The following KCND3 variants were observed in gnomAD, a reference collection of about 807,000 sequenced individuals.
KCND3 encodes potassium voltage-gated channel subfamily D member 3.
Under a neutral mutation model 51.1 loss-of-function variants are expected in KCND3, and 9 were observed. The observed-to-expected ratio is 0.18, with a 90% confidence interval of 0.11 to 0.31. The LOEUF is 0.31. Among genes scored for constraint, KCND3 ranks in the 10% least tolerant of loss-of-function variants. The probability of loss-of-function intolerance (pLI) is 1.00; values close to 1 mark genes in which losing one functional copy is unlikely to be tolerated. For missense variants in KCND3, 526 were observed against 903.8 expected, an observed-to-expected ratio of 0.58 and a Z score of 5.36; for synonymous variants, 349 against 368.0, an observed-to-expected ratio of 0.95 and a Z score of 0.59.
At chr1:111,827,456 C>T (rs899662616) in intron 2 of KCND3, among the ~76,000 whole-genome samples, 1 of 152,192 alleles carries the variant, frequency 6.6e-6, no homozygotes, top group African/African-American at 2.4e-5. Context: ...GGTCCCAGGA[C>T]ACTAAGCAGA....
chr1:111,974,349 G>A (rs1040289331), intron 2 of KCND3, among the ~76,000 whole-genome samples: 3 of 150,136 alleles, frequency 2.0e-5, no homozygotes, highest in Non-Finnish European at 4.4e-5. Context: ...AATTTCTGGG[G>A]GTCTGGTCCC....
At chr1:111,961,219 C>T (rs1031048883) in intron 2 of KCND3, among the ~76,000 whole-genome samples, 4 of 152,236 alleles carry the variant, frequency 2.6e-5, no homozygotes, top group African/African-American at 9.6e-5. Flanking sequence ...GTGTCCTCAG[C>T]TGTTCCTCAG....
intron 2 of KCND3, among the ~76,000 whole-genome samples, chr1:111,907,055 C>T (rs1279051283): frequency 6.6e-6 from 1 of 152,184 alleles, no homozygotes; most frequent in Non-Finnish European, 1.5e-5. Flanking sequence ...TCCTCATTTC[C>T]CCCCTACTGT....
At chr1:111,828,701 C>A (rs1262397022) in intron 2 of KCND3, among the ~76,000 whole-genome samples, 1 of 152,214 alleles carries the variant, frequency 6.6e-6, no homozygotes, top group Admixed American at 6.5e-5. Context: ...CCCCATCCTG[C>A]CACCAGCTCT....
intron 2 of KCND3, among the ~76,000 whole-genome samples, chr1:111,872,126 G>A (rs6685299): frequency 2.6e-5 from 4 of 152,240 alleles, no homozygotes; most frequent in Admixed American, 6.5e-5. Context: ...CACTTCACAT[G>A]TACTAATTCA....
chr1:111,979,470 G>C (rs1674821186), intron 2 of KCND3, among the ~76,000 whole-genome samples: 1 of 152,150 alleles, frequency 6.6e-6, no homozygotes, highest in Admixed American at 6.5e-5. Flanking sequence ...TTTCTTGACT[G>C]GCAATATGAC....
chr1:111,777,945 G>A (rs1044194737), intron 6 of KCND3, among the ~76,000 whole-genome samples: 1 of 152,234 alleles, frequency 6.6e-6, no homozygotes, highest in African/African-American at 2.4e-5. Flanking sequence ...AGGCCATTGG[G>A]ATGGGGTATA....
chr1:111,785,524 A>C (rs1664565453), intron 3 of KCND3, among the ~76,000 whole-genome samples: 2 of 152,160 alleles, frequency 1.3e-5, no homozygotes, highest in South Asian at 4.1e-4. Context: ...AGGTCAGGAT[A>C]AATAAAAGCA....
intron 2 of KCND3, among the ~76,000 whole-genome samples, chr1:111,888,389 G>C (rs746083321): frequency 2.6e-5 from 4 of 152,218 alleles, no homozygotes; most frequent in Non-Finnish European, 5.9e-5. Flanking sequence ...TGGCAGAAGA[G>C]AACAAAGACA....
At chr1:111,797,106 C>T (rs1044924331) in intron 2 of KCND3, among the ~76,000 whole-genome samples, 11 of 152,144 alleles carry the variant, frequency 7.2e-5, no homozygotes, top group African/African-American at 1.4e-4. Flanking sequence ...ATTGCTGGGC[C>T]CCAATCTCAG....
chr1:111,979,904 T>C (rs897291859), intron 2 of KCND3, among the ~76,000 whole-genome samples: 1 of 152,152 alleles, frequency 6.6e-6, no homozygotes, highest in African/African-American at 2.4e-5. Flanking sequence ...TCTGATGTCA[T>C]GAGTCCCATC....
rs779723268 is a variant in KCND3 at position 111,777,022 on chromosome 1, C to T, written c.1766+4G>A. On this transcript the variant is annotated splice_donor_region_variant and intron_variant, in intron 7 of 7. Transcript: ENST00000302127. ...TTGCGGGTGATGGGATGGAAGCCAC[C>T]CACCTGGTTGTGAGGGAGGGCTGCT... is the stretch of plus-strand genomic sequence containing the variant. 4 of 1,613,036 alleles carry T rather than the reference C, an allele frequency of 2.5e-6. No homozygotes were observed. The highest frequency in any genetic ancestry group is 3.7e-4 in the Middle Eastern group (2 of 5,474).
At chr1:111,851,953 C>T (rs569533181) in intron 2 of KCND3, among the ~76,000 whole-genome samples, 1 of 152,378 alleles carries the variant, frequency 6.6e-6, no homozygotes, top group East Asian at 1.9e-4. Flanking sequence ...ATAGCCTCCT[C>T]TTGTCTCTGC....
intron 2 of KCND3, among the ~76,000 whole-genome samples, chr1:111,949,325 C>A (rs1397778322): frequency 6.6e-6 from 1 of 152,158 alleles, no homozygotes; most frequent in Non-Finnish European, 1.5e-5. Flanking sequence ...AAGGAGACTG[C>A]AGGTGAAAAT....
rs536670898 is a variant in KCND3, at chr1:111,830,012, C to A, written c.1107-42906G>T. On this transcript the variant is annotated intron_variant, in intron 2 of 7. Transcript: ENST00000302127. ...GACTCTTCGGTGGCTATTGTTCCAA[C>A]TGCCTGAACTCTTCTCCCCTCCATC... Among the ~76,000 whole-genome samples, 245 of 152,326 alleles carry A rather than the reference C, an allele frequency of 1.6e-3. 1 individual carries two copies. Among genetic ancestry groups the A allele is most frequent in the Middle Eastern group, 6.8e-3 (2 of 294 alleles).
intron 1 of KCND3, chr1:111,988,898 C>G (rs915211104): frequency 1.3e-5 from 2 of 152,386 alleles, no homozygotes; most frequent in African/African-American, 4.8e-5. Flanking sequence ...GGTAACTTTG[C>G]CCAGTCCCTT....
intron 2 of KCND3, among the ~76,000 whole-genome samples, chr1:111,963,270 C>T (rs716954): frequency 0.84 from 128,099 of 152,240 alleles, 54,169 homozygotes; most frequent in African/African-American, 0.9. Context: ...TGATTCAGAG[C>T]CCCACAAAGG....
chr1:111,887,664 A>G (rs557129565), intron 2 of KCND3, among the ~76,000 whole-genome samples: 1 of 152,222 alleles, frequency 6.6e-6, no homozygotes, highest in Non-Finnish European at 1.5e-5. Context: ...AGCAGGCTGA[A>G]TCAGAGCAGA....
intron 2 of KCND3, among the ~76,000 whole-genome samples, chr1:111,848,286 T>C (rs1206177141): frequency 6.6e-6 from 1 of 152,210 alleles, no homozygotes; most frequent in Non-Finnish European, 1.5e-5. Flanking sequence ...CTGTGTAGTC[T>C]GCTCTATAGA....
Sources: allele counts gnomAD v4.1 joint callset (sites outside exome capture counted in the v4.1 genomes callset), GRCh38; gene constraint gnomAD v4.1.1; transcripts MANE v1.5; gene names NCBI Gene and HGNC (gene_info 2026-07-23, HGNC 2026-07-21).